SLC24A3: variants seen among roughly 807,000 people sequenced by gnomAD.
The protein encoded by SLC24A3 is sodium/potassium/calcium exchanger 3.
A neutral mutation model predicts 75.8 loss-of-function variants in SLC24A3; 28 were observed. That is an observed-to-expected ratio of 0.37 (90% CI 0.27 to 0.51). The LOEUF is 0.51. Among genes scored for constraint, SLC24A3 ranks in the 20% least tolerant of loss-of-function variants. The probability of loss-of-function intolerance (pLI) is 0.94; values close to 1 mark genes in which losing one functional copy is unlikely to be tolerated. For missense variants in SLC24A3, 663 were observed against 847.8 expected, an observed-to-expected ratio of 0.78 and a Z score of 2.71; for synonymous variants, 372 against 334.1, an observed-to-expected ratio of 1.11 and a Z score of -1.24.
intron 3 of SLC24A3, among the ~76,000 whole-genome samples, chr20:19,541,468 G>T (rs574600078): frequency 1.3e-5 from 2 of 152,254 alleles, no homozygotes; most frequent in African/African-American, 2.4e-5. Flanking sequence ...CTATTTACAC[G>T]CACCATTAAG....
intron 1 of SLC24A3, among the ~76,000 whole-genome samples, chr20:19,271,815 G>A (rs945051499): frequency 5.3e-5 from 8 of 152,128 alleles, no homozygotes; most frequent in African/African-American, 1.9e-4. Flanking sequence ...GAATGACTCT[G>A]GGGACCTGGA....
chr20:19,399,006 T>A (rs903485427), intron 2 of SLC24A3, among the ~76,000 whole-genome samples: 2 of 152,182 alleles, frequency 1.3e-5, no homozygotes, highest in African/African-American at 4.8e-5. Flanking sequence ...ATTCAAATTA[T>A]CTATTTCTTT....
At chr20:19,336,683 G>GCCACCCC (rs1188465054) in intron 2 of SLC24A3, among the ~76,000 whole-genome samples, 47 of 23,788 alleles carry the variant, frequency 2.0e-3, no homozygotes, top group East Asian at 7.6e-3. Flanking sequence ...GTGCCCGCCC[G>GCCACCCC]CCACCCCCCA....
chr20:19,521,763 G>A (rs2030103480), intron 3 of SLC24A3, among the ~76,000 whole-genome samples: 1 of 152,162 alleles, frequency 6.6e-6, no homozygotes, highest in Admixed American at 6.5e-5. Context: ...CCAGATTGCT[G>A]TTGTTCAGAG....
intron 4 of SLC24A3, among the ~76,000 whole-genome samples, chr20:19,583,086 C>G (rs373793245): frequency 6.6e-6 from 1 of 152,192 alleles, no homozygotes; most frequent in Admixed American, 6.5e-5. Context: ...AGATCACACA[C>G]AGCATGTCCC....
chr20:19,310,988 C>A (rs1335814453), intron 2 of SLC24A3, among the ~76,000 whole-genome samples: 1 of 151,922 alleles, frequency 6.6e-6, no homozygotes, highest in Non-Finnish European at 1.5e-5. Context: ...TGTAATCTTC[C>A]TTCGTTCCTT....
At chr20:19,474,963 A>G (rs1987938035) in intron 2 of SLC24A3, among the ~76,000 whole-genome samples, 1 of 152,160 alleles carries the variant, frequency 6.6e-6, no homozygotes, top group Non-Finnish European at 1.5e-5. Context: ...GTGGAAGGAA[A>G]GGGTATCTTC....
At chr20:19,521,921 G>T (rs917413896) in intron 3 of SLC24A3, among the ~76,000 whole-genome samples, 1 of 146,884 alleles carries the variant, frequency 6.8e-6, no homozygotes, top group Non-Finnish European at 1.5e-5. Flanking sequence ...ACTCCCAGGG[G>T]TATTTTTTTT....
At chr20:19,593,401 G>A (rs2031406444) in intron 6 of SLC24A3, among the ~76,000 whole-genome samples, 1 of 152,180 alleles carries the variant, frequency 6.6e-6, no homozygotes, top group African/African-American at 2.4e-5. Flanking sequence ...AGTATAGTGA[G>A]GACAAAAGCC....
intron 2 of SLC24A3, among the ~76,000 whole-genome samples, chr20:19,456,654 C>G (rs749965106): frequency 1.1e-4 from 17 of 152,226 alleles, no homozygotes; most frequent in Non-Finnish European, 2.4e-4. Flanking sequence ...GCCAGGATGT[C>G]AGTAACCAGG....
At chr20:19,472,423 T>A (rs753023565) in intron 2 of SLC24A3, among the ~76,000 whole-genome samples, 15 of 152,230 alleles carry the variant, frequency 9.9e-5, no homozygotes, top group Non-Finnish European at 1.8e-4. Context: ...AGGTAGGATG[T>A]AGGCTTTGCT....
At chr20:19,624,469 C>T (rs2031843145) in intron 6 of SLC24A3, among the ~76,000 whole-genome samples, 1 of 152,116 alleles carries the variant, frequency 6.6e-6, no homozygotes. Flanking sequence ...ATTTATTTCT[C>T]ACATGTCTTT....
At position 19,437,362 on chromosome 20, in the gene SLC24A3, C is replaced by T. The variant is rs146259898; in HGVS notation, c.272-78126C>T. The stretch of plus-strand genomic sequence containing the variant: ...ACCTGGCATTTGCCCTGCTGTCACT[C>T]ATTCTCTCTCCCGATTCCCTGTGAA... On this transcript the variant is annotated intron_variant, in intron 2 of 16. Transcript: ENST00000328041. Among the ~76,000 whole-genome samples, 596 of 152,322 alleles carry T rather than the reference C, an allele frequency of 3.9e-3. 4 individuals carry two copies. The highest frequency in any genetic ancestry group is 0.013 in the African/African-American group (560 of 41,578).
chr20:19,527,312 A>T (rs1223267449), intron 3 of SLC24A3, among the ~76,000 whole-genome samples: 1 of 152,178 alleles, frequency 6.6e-6, no homozygotes, highest in Non-Finnish European at 1.5e-5. Flanking sequence ...TGTCCCCATC[A>T]TGCCCAGCAC....
At chr20:19,707,940 A>G (rs2032947573) in intron 15 of SLC24A3, among the ~76,000 whole-genome samples, 1 of 152,212 alleles carries the variant, frequency 6.6e-6, no homozygotes, top group South Asian at 2.1e-4. Context: ...TCGGGAGTCA[A>G]GAGCATTAAC....
rs191710822 is a variant in SLC24A3 at position 19,276,640 on chromosome 20, C to T, written c.143-4319C>T. ...TCTTATGGGGCTGACTGTGGTGGCT[C>T]GTGCGTATAATCCCAGCACTTTAGG... On this transcript the variant is annotated intron_variant, in intron 1 of 16. Transcript: ENST00000328041. Among the ~76,000 whole-genome samples, 41 of 152,134 alleles carry T rather than the reference C, an allele frequency of 2.7e-4. No homozygotes were observed. In the East Asian group the frequency reaches 4.2e-3, roughly 16 times the overall value.
intron 2 of SLC24A3, among the ~76,000 whole-genome samples, chr20:19,459,800 C>T (rs927814641): frequency 2.0e-4 from 31 of 152,158 alleles, no homozygotes; most frequent in Non-Finnish European, 2.4e-4. Context: ...TGGTATCACT[C>T]AATCACCTCC....
At chr20:19,707,220 A>G (rs2032941063) in intron 15 of SLC24A3, among the ~76,000 whole-genome samples, 1 of 152,238 alleles carries the variant, frequency 6.6e-6, no homozygotes, top group East Asian at 1.9e-4. Flanking sequence ...ATCAGGAAGC[A>G]GAAAAATGCA....
At chr20:19,325,791 T>TAC (rs1479182142) in intron 2 of SLC24A3, among the ~76,000 whole-genome samples, 1 of 89,428 alleles carries the variant, frequency 1.1e-5, no homozygotes, top group Non-Finnish European at 2.2e-5. Context: ...TATATATATA[T>TAC]ATATAGAGAG....
Sources: allele counts gnomAD v4.1 joint callset (sites outside exome capture counted in the v4.1 genomes callset), GRCh38; gene constraint gnomAD v4.1.1; transcripts MANE v1.5; gene names NCBI Gene and HGNC (gene_info 2026-07-23, HGNC 2026-07-21).